TAF4B: variants seen among roughly 807,000 people sequenced by gnomAD.
The protein encoded by TAF4B is TATA-box binding protein associated factor 4b, also known as transcription initiation factor TFIID subunit 4B.
In TAF4B, 38 loss-of-function variants were observed where a neutral mutation model predicts 86.4. That is an observed-to-expected ratio of 0.44 (90% CI 0.34 to 0.58). The LOEUF (loss-of-function observed/expected upper bound fraction) is 0.58. Ranked by LOEUF, TAF4B falls within the 20% of genes least tolerant of loss-of-function variation. The pLI, the probability that TAF4B is intolerant of heterozygous loss-of-function variation, is 0.02. For missense variants in TAF4B, 988 were observed against 1,027.6 expected (o/e 0.96, Z 0.53); for synonymous variants, 388 against 391.2 (o/e 0.99, Z 0.10).
At chr18:26,385,396 AT>A (rs1357065801) in intron 14 of TAF4B, among the ~76,000 whole-genome samples, 4 of 152,204 alleles carry the variant, frequency 2.6e-5, no homozygotes, top group African/African-American at 9.7e-5. Context: ...AACAAAACAA[AT>A]TAGGTGAGAT....
intron 5 of TAF4B, among the ~76,000 whole-genome samples, chr18:26,276,680 A>G (rs2056388398): frequency 6.6e-6 from 1 of 152,162 alleles, no homozygotes; most frequent in African/African-American, 2.4e-5. Flanking sequence ...ATACTAACAA[A>G]TTTTTAATTC....
intron 9 of TAF4B, among the ~76,000 whole-genome samples, chr18:26,311,499 G>A (rs551464157): frequency 6.6e-5 from 10 of 152,074 alleles, no homozygotes; most frequent in Admixed American, 2.6e-4. Flanking sequence ...TTAGCCAGGC[G>A]TGGTGGTGCT....
At chr18:26,318,308 C>T (rs527349540) in intron 10 of TAF4B, among the ~76,000 whole-genome samples, 4 of 151,450 alleles carry the variant, frequency 2.6e-5, no homozygotes, top group East Asian at 1.9e-4. Flanking sequence ...ACAAACCTGT[C>T]GAATAATATG....
rs1473688136 is a variant in TAF4B, at chr18:26,315,353, C to T, written c.1957C>T (p.Pro653Ser). 1.9e-6 allele frequency: 3 copies of T among 1,613,272 alleles called. No individual in the cohort carries two copies. The highest frequency in any genetic ancestry group is 2.5e-6 in the Non-Finnish European group (3 of 1,179,754). ...ACTCATTCAGTCATGTAAAGATGAA[C>T]CATTTCTTTTTATTGGAGCTCTACA... Reference protein sequence around the residue: ...GTLIQSCKDEPFLFIGALQKR... With the variant: ...GTLIQSCKDESFLFIGALQKR... Residue 653 changes from proline to serine, a missense_variant, in exon 10 of 15, where the codon CCA (proline) becomes TCA (serine). By Grantham distance (74) the Pro-to-Ser change is moderately conservative (BLOSUM62 -1). Transcript: ENST00000269142.
intron 11 of TAF4B, among the ~76,000 whole-genome samples, chr18:26,323,021 C>T (rs1477783968): frequency 6.6e-6 from 1 of 151,692 alleles, no homozygotes; most frequent in African/African-American, 2.4e-5. Flanking sequence ...TGTTTAATTT[C>T]CAAATATGTG....
intron 6 of TAF4B, among the ~76,000 whole-genome samples, chr18:26,282,978 T>C (rs1241851695): frequency 6.6e-6 from 1 of 152,212 alleles, no homozygotes; most frequent in Admixed American, 6.5e-5. Context: ...CGGTCACATC[T>C]TCAGGCTCCA....
At position 26,227,210 on chromosome 18, in the gene TAF4B, A is replaced by G. The variant is rs2055591097; in HGVS notation, c.277A>G (p.Ile93Val). The change falls in exon 1 of 15, where the codon ATA (isoleucine) becomes GTA (valine). Residue 93 changes from isoleucine (I) to valine (V), a missense_variant. Ile to Val is a conservative substitution (Grantham distance 29). Around this residue, in one of 3 missense-constraint regions of TAF4B, gnomAD observed 747 missense variants for 737.9 expected, o/e 1.01. Coordinates refer to ENST00000269142, the MANE Select transcript of TAF4B (RefSeq NM_005640.3). ...CGGCCCTAGGCTGCCTGCTCCTCAG[A>G]TAGTCGCCGTGAAAGCCCCCAACAC... ...SSGPRLPAPQ[I>V]VAVKAPNTTT... The G allele has an allele frequency of 6.2e-7, 1 of 1,613,976 alleles. No homozygotes were observed. Among genetic ancestry groups the G allele is most frequent in the Non-Finnish European group, 8.5e-7 (1 of 1,179,948 alleles).
chr18:26,315,157 T>TCACACACACA lies in TAF4B; in HGVS notation c.1833-71_1833-70insACACACACAC, dbSNP rs1372151453. ...CTCTCTCTCTCTCTGTCTCTCTCTC[T>TCACACACACA]CTCTCACACACACACACACACACAC... On this transcript the variant is annotated intron_variant, in intron 9 of 14. Transcript: ENST00000269142. The TCACACACACA allele has an allele frequency of 5.5e-3, 2,439 of 445,858 alleles. 30 individuals are homozygous for TCACACACACA. Among genetic ancestry groups the TCACACACACA allele is most frequent in the East Asian group, 9.4e-3 (181 of 19,242 alleles). 27.6% of individuals were successfully genotyped at this position (445,858 alleles called of 1,614,324 possible).
At chr18:26,314,157 G>T (rs1207642852) in intron 9 of TAF4B, among the ~76,000 whole-genome samples, 2 of 151,898 alleles carry the variant, frequency 1.3e-5, no homozygotes, top group Middle Eastern at 3.4e-3. Context: ...AAATCCTATT[G>T]ACAAAAGACC....
At chr18:26,342,838 T>C (rs1362338752) in intron 13 of TAF4B, among the ~76,000 whole-genome samples, 1 of 152,238 alleles carries the variant, frequency 6.6e-6, no homozygotes, top group Non-Finnish European at 1.5e-5. Flanking sequence ...CAAACCTGTT[T>C]GGTCTCTTTG....
chr18:26,315,556 T>C (rs2144666610), intron 10 of TAF4B, among the ~76,000 whole-genome samples, 158 bp downstream of exon 10: 1 of 152,262 alleles, frequency 6.6e-6, no homozygotes, highest in Middle Eastern at 3.4e-3. Flanking sequence ...AAAGAAGTAG[T>C]TTATTTTAAA....
chr18:26,244,108 C>T (rs4506991), intron 1 of TAF4B, among the ~76,000 whole-genome samples: 12,160 of 152,200 alleles, frequency 0.08, 1,495 homozygotes, highest in African/African-American at 0.27. Flanking sequence ...CAAAGCTGTC[C>T]GACAGGGATG....
intron 13 of TAF4B, among the ~76,000 whole-genome samples, chr18:26,343,654 A>C (rs1172832808): frequency 6.6e-6 from 1 of 152,240 alleles, no homozygotes; most frequent in Non-Finnish European, 1.5e-5. Flanking sequence ...TGAAGTGTAC[A>C]GGTCCACTTA....
intron 1 of TAF4B, among the ~76,000 whole-genome samples, chr18:26,258,316 C>T (rs908553700): frequency 4.0e-5 from 6 of 151,834 alleles, no homozygotes; most frequent in African/African-American, 1.4e-4. Context: ...TGTTATATTA[C>T]CTTATTTGTC....
At chr18:26,346,411 A>G (rs533678333) in intron 13 of TAF4B, among the ~76,000 whole-genome samples, 1 of 151,718 alleles carries the variant, frequency 6.6e-6, no homozygotes, top group East Asian at 2.0e-4. Flanking sequence ...GGAAGGAGAA[A>G]AGAAGTGAAA....
At chr18:26,281,011 G>A (rs1044379286) in intron 5 of TAF4B, among the ~76,000 whole-genome samples, 12 of 152,076 alleles carry the variant, frequency 7.9e-5, no homozygotes, top group African/African-American at 2.9e-4. Context: ...AATGTGAATG[G>A]CCATTATCCT....
rs199554921 is a variant in TAF4B, at chr18:26,284,053, CAAAA to C, written c.973-1817_973-1814del. ...GGGTGACAAGAGTGAGACTCCGTCT[CAAAA>C]AAAAAAAAAAATCTTAGCTATATCT... On this transcript the variant is annotated intron_variant, in intron 6 of 14. Coordinates refer to ENST00000269142, the MANE Select transcript of TAF4B (RefSeq NM_005640.3). 8.1e-3 allele frequency among the ~76,000 whole-genome samples: 1,056 copies of C among 130,408 alleles called. 3 individuals are homozygous for C. The highest frequency in any genetic ancestry group is 0.013 in the Middle Eastern group (3 of 234). The allele number at this position is 130,408 out of a possible 152,430, so 85.6% of individuals were successfully genotyped here.
In TAF4B at chr18:26,259,055, A is replaced by G. The variant is rs537450142; in HGVS notation, c.344-6115A>G. Among the ~76,000 whole-genome samples, 3 of 151,138 alleles carry G rather than the reference A, an allele frequency of 2.0e-5. No individual in the cohort carries two copies. The South Asian group carries it at 6.3e-4, about 32-fold the overall frequency. On this transcript the variant is annotated intron_variant, in intron 1 of 14. Coordinates refer to ENST00000269142, the MANE Select transcript of TAF4B (RefSeq NM_005640.3). Reference sequence around the variant, plus strand: ...TTTGTTTTTGAACATTTTTACTACCATGTGTCTTGGCGTGGGGATCTCTTT... The same window carrying G: ...TTTGTTTTTGAACATTTTTACTACCGTGTGTCTTGGCGTGGGGATCTCTTT...
chr18:26,388,661 A>C (rs1978520925), intron 14 of TAF4B, among the ~76,000 whole-genome samples: 1 of 152,238 alleles, frequency 6.6e-6, no homozygotes, highest in Non-Finnish European at 1.5e-5. Flanking sequence ...GCCTATTGGC[A>C]GAGGAGCCAT....
Sources: gnomAD v4.1 joint callset for allele counts (sites outside exome capture counted in the v4.1 genomes callset) on GRCh38, gnomAD v4.1.1 for gene constraint, gnomAD v4.1.1 regional missense constraint, MANE v1.5 for transcripts, NCBI Gene and HGNC (gene_info 2026-07-23, HGNC 2026-07-21) for gene names.